Variants in CRTAC1 observed in about 807,000 individuals in gnomAD.
CRTAC1 encodes acidic secreted protein in cartilage.
A neutral mutation model predicts 67.8 loss-of-function variants in CRTAC1; 37 were observed. The ratio of observed to expected loss-of-function variants is 0.55; its 90% CI spans 0.42 to 0.72. The LOEUF (loss-of-function observed/expected upper bound fraction) is 0.72. Among genes scored for constraint, CRTAC1 ranks in the 30% least tolerant of loss-of-function variants. The pLI, the probability that CRTAC1 is intolerant of heterozygous loss-of-function variation, is 0.00. For synonymous variants in CRTAC1, 348 were observed against 371.0 expected, an observed-to-expected ratio of 0.94 and a Z score of 0.71; for missense variants, 780 against 931.6, an observed-to-expected ratio of 0.84 and a Z score of 2.12.
intron 1 of CRTAC1, among the ~76,000 whole-genome samples, chr10:98,028,887 A>G (rs1843296854): frequency 6.6e-6 from 1 of 152,158 alleles, no homozygotes; most frequent in Non-Finnish European, 1.5e-5. Flanking sequence ...TCAGGCTCAA[A>G]TGAGCAGCCA....
intron 8 of CRTAC1, among the ~76,000 whole-genome samples, chr10:97,901,086 G>A (rs557033325): frequency 3.0e-5 from 4 of 132,220 alleles, no homozygotes; most frequent in East Asian, 4.7e-4. Context: ...ATTGGACCCC[G>A]TAGCCCCTTT....
At chr10:97,931,287 C>T (rs1427671071) in intron 3 of CRTAC1, among the ~76,000 whole-genome samples, 1 of 152,192 alleles carries the variant, frequency 6.6e-6, no homozygotes, top group Non-Finnish European at 1.5e-5. Flanking sequence ...CTGGCAGTGG[C>T]TATGAAAACT....
At chr10:97,903,030 G>A (rs544083712) in intron 7 of CRTAC1, among the ~76,000 whole-genome samples, 1 of 152,022 alleles carries the variant, frequency 6.6e-6, no homozygotes, top group African/African-American at 2.4e-5. Context: ...CGATGCCTGA[G>A]CTTCCGAGAT....
intron 2 of CRTAC1, among the ~76,000 whole-genome samples, chr10:97,954,660 A>G (rs900894366): frequency 1.3e-5 from 2 of 152,218 alleles, no homozygotes; most frequent in South Asian, 2.1e-4. Flanking sequence ...ATGTCGGGGC[A>G]ATGACCCCGG....
intron 2 of CRTAC1, among the ~76,000 whole-genome samples, chr10:97,953,799 ATG>A (rs1178051778): frequency 1.3e-5 from 2 of 152,146 alleles, no homozygotes; most frequent in African/African-American, 4.8e-5. Context: ...CCCAACCATA[ATG>A]TGTTATTTTC....
At chr10:97,875,528 GT>G (rs1469345725) in intron 14 of CRTAC1, among the ~76,000 whole-genome samples, 6 of 152,198 alleles carry the variant, frequency 3.9e-5, no homozygotes, top group African/African-American at 1.2e-4. Flanking sequence ...GGATATGCCT[GT>G]TGCTACAGAC....
chr10:97,877,342 C>G (rs1248597186), intron 14 of CRTAC1, among the ~76,000 whole-genome samples: 2 of 152,200 alleles, frequency 1.3e-5, no homozygotes, highest in Non-Finnish European at 2.9e-5. Context: ...CTTCACTTAC[C>G]ATTACATACC....
chr10:97,891,305 C>T (rs1028931366), intron 11 of CRTAC1, among the ~76,000 whole-genome samples: 7 of 152,200 alleles, frequency 4.6e-5, no homozygotes, highest in African/African-American at 7.2e-5. Flanking sequence ...AAAAAAATTT[C>T]CCAAACATTC....
intron 11 of CRTAC1, among the ~76,000 whole-genome samples, chr10:97,892,390 C>T (rs545627246): frequency 2.0e-4 from 31 of 152,328 alleles, no homozygotes; most frequent in African/African-American, 7.5e-4. Flanking sequence ...TGATATCCAA[C>T]CAGAACCCTG....
rs185125832 is a variant in CRTAC1, at chr10:98,030,612, C to T, written c.-140G>A. The T allele has an allele frequency of 1.3e-5, 6 of 454,992 alleles. No individual in the cohort carries two copies. The highest frequency in any genetic ancestry group is 9.1e-5 in the Admixed American group (2 of 21,860). 28.2% of individuals were successfully genotyped at this position (454,992 alleles called of 1,614,324 possible). A position where few individuals can be genotyped will look rare whatever the true frequency, so the allele number is the denominator to read the frequency against. ...GCCTCCCGCCCCGACGCCGCGCGCT[C>T]GCTTTATACAACTCCACTCGAGCGC... On this transcript the variant is annotated 5_prime_UTR_variant, in exon 1 of 15. Coordinates refer to ENST00000370597, the MANE Select transcript of CRTAC1 (RefSeq NM_018058.7). This position sits in a 1 kb window ranked among gnomAD's most constrained non-coding sequence, Gnocchi z 4.2.
intron 13 of CRTAC1, among the ~76,000 whole-genome samples, chr10:97,882,280 G>A (rs1426304985): frequency 6.6e-6 from 1 of 152,170 alleles, no homozygotes; most frequent in Non-Finnish European, 1.5e-5. Context: ...GAAGGTTCTT[G>A]GACCGTCAAG....
rs2051793319 is a variant in CRTAC1, at chr10:97,975,932, C to T, written c.224+35206G>A. Among the ~76,000 whole-genome samples, 1 of 152,186 alleles carries T rather than the reference C, an allele frequency of 6.6e-6. No homozygotes were observed. Among genetic ancestry groups the T allele is most frequent in the Admixed American group, 6.5e-5 (1 of 15,286 alleles). On this transcript the variant is annotated intron_variant, in intron 2 of 14. Transcript: ENST00000370597. This position sits in a 1 kb window ranked among gnomAD's most constrained non-coding sequence, Gnocchi z 4.8. Reference sequence around the variant, plus strand: ...CATCTACCTGGTGTGTGGCCCGTTCCCCGAACCACATCTTACATCTTCGGG... The same window carrying T: ...CATCTACCTGGTGTGTGGCCCGTTCTCCGAACCACATCTTACATCTTCGGG...
At position 97,877,379 on chromosome 10, in the gene CRTAC1, T is replaced by C. The variant is rs146211832; in HGVS notation, c.1819+2870A>G. 4.0e-3 allele frequency among the ~76,000 whole-genome samples: 603 copies of C among 152,298 alleles called. 2 individuals carry two copies. The highest frequency in any genetic ancestry group is 0.013 in the African/African-American group (551 of 41,544). ...AGAGCGTAGCTCAGTACCTGGCACA[T>C]AATAGGTGCTCAACAAATATTACTT... On this transcript the variant is annotated intron_variant, in intron 14 of 14. Coordinates refer to ENST00000370597, the MANE Select transcript of CRTAC1 (RefSeq NM_018058.7).
chr10:97,914,754 A>C (rs987858972), intron 5 of CRTAC1, among the ~76,000 whole-genome samples: 3 of 152,106 alleles, frequency 2.0e-5, no homozygotes, highest in African/African-American at 7.2e-5. Flanking sequence ...CAGGATTCCC[A>C]GGCAGGGCAG....
intron 2 of CRTAC1, among the ~76,000 whole-genome samples, chr10:97,974,289 G>T (rs2051762494): frequency 6.6e-6 from 1 of 152,174 alleles, no homozygotes; most frequent in South Asian, 2.1e-4. Context: ...AAGCTGCCAT[G>T]AAACCAGCAG....
intron 11 of CRTAC1, among the ~76,000 whole-genome samples, chr10:97,890,008 G>C (rs534615779): frequency 9.0e-4 from 137 of 152,240 alleles, no homozygotes; most frequent in African/African-American, 3.2e-3. Flanking sequence ...ATGAGTGTGA[G>C]TGCTGTCTCA....
intron 2 of CRTAC1, among the ~76,000 whole-genome samples, chr10:98,005,098 ATAT>A (rs1473394562): frequency 2.6e-5 from 1 of 38,198 alleles, no homozygotes; most frequent in Non-Finnish European, 4.7e-5. Flanking sequence ...ATATATATAT[ATAT>A]TTTTTTTTTT....
At chr10:97,912,412 T>C (rs1198659562) in intron 5 of CRTAC1, among the ~76,000 whole-genome samples, 6 of 152,000 alleles carry the variant, frequency 3.9e-5, no homozygotes, top group Non-Finnish European at 4.4e-5. Context: ...GGTCCCCATT[T>C]CCCCTAGCCA....
chr10:97,916,571 C>T (rs1434251657), intron 5 of CRTAC1, among the ~76,000 whole-genome samples: 1 of 152,084 alleles, frequency 6.6e-6, no homozygotes, highest in Non-Finnish European at 1.5e-5. Context: ...CAGGGTGGTA[C>T]CCCAAAGGAC....
Sources: gnomAD v4.1 joint callset for allele counts (sites outside exome capture counted in the v4.1 genomes callset) on GRCh38, gnomAD v4.1.1 for gene constraint, Gnocchi (gnomAD v3.1) non-coding constraint, MANE v1.5 for transcripts, NCBI Gene and HGNC (gene_info 2026-07-23, HGNC 2026-07-21) for gene names.